Variants in LRP1B observed in about 807,000 individuals in gnomAD.
The protein encoded by LRP1B is low-density lipoprotein receptor-related protein 1B.
Under a neutral mutation model 556.6 loss-of-function variants are expected in LRP1B, and 217 were observed. The ratio of observed to expected loss-of-function variants is 0.39; its 90% CI spans 0.35 to 0.44. The LOEUF (loss-of-function observed/expected upper bound fraction) is 0.44. LRP1B is among the 20% of genes least tolerant of loss of function. LRP1B has a pLI of 1.00. For missense variants in LRP1B, 5,053 were observed against 5,620.8 expected, an observed-to-expected ratio of 0.90 and a Z score of 3.23; for synonymous variants, 2,047 against 1,865.8, an observed-to-expected ratio of 1.10 and a Z score of -2.50.
rs549112503 is a variant in LRP1B at position 141,371,789 on chromosome 2, G to C, written c.343+108607C>G. On this transcript the variant is annotated intron_variant, in intron 3 of 90. Transcript: ENST00000389484. ...TTGGTGGAGTCTTTAGGTTTTTCTA[G>C]ATATAAGATCACACCATAAGTGAAC... Among the ~76,000 whole-genome samples, 42 of 152,078 alleles carry C rather than the reference G, an allele frequency of 2.8e-4. 1 individual carries two copies. The highest frequency in any genetic ancestry group is 5.2e-4 in the Admixed American group (8 of 15,266).
At chr2:141,221,703 A>G (rs2222231) in intron 6 of LRP1B, among the ~76,000 whole-genome samples, 6,694 of 152,252 alleles carry the variant, frequency 0.044, 167 homozygotes, top group South Asian at 0.11. Flanking sequence ...CTAATACAAA[A>G]TAACTGAAAT....
chr2:140,749,563 C>T lies in LRP1B; in HGVS notation c.5758+19650G>A, dbSNP rs567521704. ...AGATGTGCACACATATTAGCTTAGG[C>T]CTACACAAGGCCAGGATCATCAATA... On this transcript the variant is annotated intron_variant, in intron 35 of 90. Coordinates refer to ENST00000389484, the MANE Select transcript of LRP1B (RefSeq NM_018557.3). 3.3e-5 allele frequency among the ~76,000 whole-genome samples: 5 copies of T among 152,012 alleles called. 1 individual carries two copies. In the South Asian group the frequency reaches 8.3e-4, roughly 25 times the overall value.
chr2:141,350,511 T>G (rs1334332989), intron 3 of LRP1B, among the ~76,000 whole-genome samples: 1 of 152,066 alleles, frequency 6.6e-6, no homozygotes, highest in Non-Finnish European at 1.5e-5. Context: ...GAGGTTCACT[T>G]ACCATAGCAT....
chr2:140,985,771 C>T (rs2105348064), intron 17 of LRP1B, among the ~76,000 whole-genome samples: 1 of 151,908 alleles, frequency 6.6e-6, no homozygotes, highest in South Asian at 2.1e-4. Flanking sequence ...AATATTTCTA[C>T]CATCTAGAAA....
chr2:141,800,754 G>GA (rs546583957), intron 2 of LRP1B, among the ~76,000 whole-genome samples: 2 of 152,080 alleles, frequency 1.3e-5, no homozygotes, highest in Non-Finnish European at 2.9e-5. Context: ...GATAAAGTGA[G>GA]AAAAAAACTA....
intron 1 of LRP1B, among the ~76,000 whole-genome samples, chr2:141,933,162 C>T (rs1000004448): frequency 7.2e-5 from 11 of 151,838 alleles, no homozygotes; most frequent in African/African-American, 2.7e-4. Flanking sequence ...ATGATATCTT[C>T]ATAGGGGATT....
At position 142,066,872 on chromosome 2, in the gene LRP1B, T is replaced by G. The variant is rs935393180; in HGVS notation, c.82+63776A>C. On this transcript the variant is annotated intron_variant, in intron 1 of 90. Transcript: ENST00000389484. ...TAACAAAGTACCACAAATCAGTGGT[T>G]TAAAACAACACAAACTTCTGAACTA... Among the ~76,000 whole-genome samples the G allele has an allele frequency of 2.0e-5, 3 of 151,556 alleles. No individual in the cohort carries two copies. The East Asian group carries it at 5.8e-4, about 29-fold the overall frequency.
chr2:141,256,711 G>T (rs1393487538), intron 3 of LRP1B, among the ~76,000 whole-genome samples: 1 of 152,022 alleles, frequency 6.6e-6, no homozygotes, highest in African/African-American at 2.4e-5. Flanking sequence ...GAAGTACTAC[G>T]AGTTTGGGAA....
At chr2:140,290,067 C>T (rs565024570) in intron 84 of LRP1B, among the ~76,000 whole-genome samples, 162 of 152,094 alleles carry the variant, frequency 1.1e-3, no homozygotes, top group Non-Finnish European at 1.8e-3. Context: ...TCCTAAATTC[C>T]AGGCACTGAA....
At chr2:141,080,079 T>C (rs1175353798) in intron 7 of LRP1B, among the ~76,000 whole-genome samples, 1 of 152,216 alleles carries the variant, frequency 6.6e-6, no homozygotes, top group African/African-American at 2.4e-5. Flanking sequence ...GAGCTCACTC[T>C]TTTGGAATCA....
In LRP1B at chr2:140,903,633, A is replaced by G. The variant is rs115352437; in HGVS notation, c.3521-468T>C. On this transcript the variant is annotated intron_variant, in intron 22 of 90. Coordinates refer to ENST00000389484, the MANE Select transcript of LRP1B (RefSeq NM_018557.3). ...CACATATGTGAATATATGTGTCTAT[A>G]TATCTTTTGCAACACTTGTACAGTC... is the stretch of plus-strand genomic sequence containing the variant. Among the ~76,000 whole-genome samples the G allele has an allele frequency of 5.6e-3, 848 of 152,178 alleles. 10 individuals are homozygous for G. Among genetic ancestry groups the G allele is most frequent in the African/African-American group, 0.019 (807 of 41,556 alleles).
intron 2 of LRP1B, among the ~76,000 whole-genome samples, chr2:141,755,396 C>T (rs976153389): frequency 3.3e-5 from 5 of 151,846 alleles, no homozygotes; most frequent in Non-Finnish European, 7.4e-5. Flanking sequence ...AGACCACATA[C>T]CTATGAGGAA....
chr2:141,644,503 C>T (rs954857558), intron 2 of LRP1B, among the ~76,000 whole-genome samples: 1 of 152,014 alleles, frequency 6.6e-6, no homozygotes, highest in East Asian at 1.9e-4. Context: ...TGAAAACGGA[C>T]TGATACAATC....
intron 51 of LRP1B, among the ~76,000 whole-genome samples, chr2:140,512,701 T>G (rs2171107): frequency 0.7 from 106,928 of 151,970 alleles, 38,116 homozygotes; most frequent in Middle Eastern, 0.82. Context: ...TCAGAATCAC[T>G]ATGTGCATAT....
At chr2:140,302,291 A>T (rs149349211) in intron 83 of LRP1B, among the ~76,000 whole-genome samples, 3,095 of 152,156 alleles carry the variant, frequency 0.02, 40 homozygotes, top group African/African-American at 0.028. Context: ...CCTAAACTTC[A>T]GACCTTCAAT....
At position 141,095,963 on chromosome 2, in the gene LRP1B, T is replaced by A. The variant is rs576783526; in HGVS notation, c.1014-33690A>T. On this transcript the variant is annotated intron_variant, in intron 7 of 90. Coordinates refer to ENST00000389484, the MANE Select transcript of LRP1B (RefSeq NM_018557.3). ...TGTATCTTTTACATTCCCCAAACTA[T>A]TCTACTATACCGTATTCTCATTTTT... 4.6e-5 allele frequency among the ~76,000 whole-genome samples: 7 copies of A among 152,294 alleles called. No individual in the cohort carries two copies. The South Asian group carries it at 1.5e-3, about 32-fold the overall frequency.
chr2:140,715,916 A>G, intron 37 of LRP1B, 57 bp downstream of exon 37: 1 of 1,393,702 alleles, frequency 7.2e-7, no homozygotes, highest in Non-Finnish European at 9.7e-7. Flanking sequence ...TTTTTTTTCA[A>G]TAGAACTTAG....
chr2:142,108,568 C>T (rs978435250), intron 1 of LRP1B, among the ~76,000 whole-genome samples: 5 of 152,160 alleles, frequency 3.3e-5, no homozygotes, highest in South Asian at 2.1e-4. Context: ...TTTCATGGCA[C>T]TATTGTTCTA....
At chr2:140,970,571 C>T (rs983714380) in intron 18 of LRP1B, among the ~76,000 whole-genome samples, 12 of 152,064 alleles carry the variant, frequency 7.9e-5, no homozygotes, top group South Asian at 6.2e-4. Context: ...CGAGGAGCTA[C>T]GTTCCTCAGT....
Sources: gnomAD v4.1 joint callset for allele counts (sites outside exome capture counted in the v4.1 genomes callset) on GRCh38, gnomAD v4.1.1 for gene constraint, MANE v1.5 for transcripts, NCBI Gene and HGNC (gene_info 2026-07-23, HGNC 2026-07-21) for gene names.